The following PPFIA2 variants were observed in gnomAD, a reference collection of about 807,000 sequenced individuals.
The protein encoded by PPFIA2 is PPFI scaffold protein A2, also known as liprin-alpha-2.
Under a neutral mutation model 175.5 loss-of-function variants are expected in PPFIA2, and 46 were observed. The observed-to-expected ratio is 0.26, with a 90% confidence interval of 0.21 to 0.34. PPFIA2 has a LOEUF of 0.34. Ranked by LOEUF, PPFIA2 falls within the 10% of genes least tolerant of loss-of-function variation. The pLI, the probability that PPFIA2 is intolerant of heterozygous loss-of-function variation, is 1.00. For missense variants in PPFIA2, 1,179 were observed against 1,506.1 expected, an observed-to-expected ratio of 0.78 and a Z score of 3.60; for synonymous variants, 568 against 511.4, an observed-to-expected ratio of 1.11 and a Z score of -1.49.
At chr12:81,367,606 C>G (rs557933898) in intron 13 of PPFIA2, among the ~76,000 whole-genome samples, 1 of 151,486 alleles carries the variant, frequency 6.6e-6, no homozygotes, top group Non-Finnish European at 1.5e-5. Context: ...TAAAATTTCA[C>G]TTTCTGGACA....
At position 81,419,702 on chromosome 12, in the gene PPFIA2, G is replaced by A. The variant is rs148190090; in HGVS notation, c.646-13799C>T. Among the ~76,000 whole-genome samples the A allele has an allele frequency of 5.3e-5, 8 of 152,044 alleles. No individual in the cohort carries two copies. In the East Asian group the frequency reaches 1.6e-3, roughly 29 times the overall value. The stretch of plus-strand genomic sequence containing the variant: ...TTAACTCATTTTTCACCTTATTTAT[G>A]TTGGATATTCAAGTTTGAGAAGGAA... On this transcript the variant is annotated intron_variant, in intron 7 of 32. Coordinates refer to ENST00000549396, the MANE Select transcript of PPFIA2 (RefSeq NM_003625.5).
At chr12:81,370,773 A>C (rs1265063698) in intron 11 of PPFIA2, among the ~76,000 whole-genome samples, 1 of 151,898 alleles carries the variant, frequency 6.6e-6, no homozygotes, top group East Asian at 1.9e-4. Context: ...TTATGCAAGG[A>C]TTACATATGA....
At chr12:81,480,960 G>A (rs1042589077) in intron 4 of PPFIA2, among the ~76,000 whole-genome samples, 1 of 152,192 alleles carries the variant, frequency 6.6e-6, no homozygotes. Flanking sequence ...GTCTCTGTTT[G>A]CAGATGACAT....
At chr12:81,527,382 G>A (rs1403056) in intron 4 of PPFIA2, among the ~76,000 whole-genome samples, 84,558 of 151,748 alleles carry the variant, frequency 0.56, 24,133 homozygotes, top group African/African-American at 0.67. Flanking sequence ...TTATGCTTCT[G>A]TTTAGAGTAA....
intron 4 of PPFIA2, among the ~76,000 whole-genome samples, chr12:81,624,955 T>C (rs562346785): frequency 6.6e-6 from 1 of 151,500 alleles, no homozygotes; most frequent in South Asian, 2.1e-4. Context: ...AAAAATCCAC[T>C]TGCACCCCAA....
chr12:81,574,896 T>TTTGA (rs921880263), intron 4 of PPFIA2, among the ~76,000 whole-genome samples: 1 of 151,774 alleles, frequency 6.6e-6, no homozygotes, highest in African/African-American at 2.4e-5. Flanking sequence ...CCAAAAAGAC[T>TTTGA]TTGATTTTTC....
intron 4 of PPFIA2, among the ~76,000 whole-genome samples, chr12:81,574,294 T>G (rs2073104110): frequency 6.6e-6 from 1 of 151,834 alleles, no homozygotes. Context: ...AAGATTCTAT[T>G]TAATAGCAAA....
intron 22 of PPFIA2, 138 bp downstream of exon 22, chr12:81,325,639 A>C: frequency 1.7e-6 from 1 of 585,862 alleles, no homozygotes. Flanking sequence ...ATAAGCCCTG[A>C]GTGTTTTAGG....
chr12:81,664,687 G>C (rs1468176436), intron 4 of PPFIA2, among the ~76,000 whole-genome samples: 1 of 152,036 alleles, frequency 6.6e-6, no homozygotes, highest in African/African-American at 2.4e-5. Context: ...CCATTACTGG[G>C]TACATACCCA....
At chr12:81,686,412 TAGGGCTTTCTGAAGAA>T (rs2074426688) in intron 3 of PPFIA2, among the ~76,000 whole-genome samples, 1 of 152,102 alleles carries the variant, frequency 6.6e-6, no homozygotes, top group Non-Finnish European at 1.5e-5. Flanking sequence ...TGCATAAGAA[TAGGGCTTTCTGAAGAA>T]AGTGCCAGAG....
intron 3 of PPFIA2, among the ~76,000 whole-genome samples, chr12:81,744,528 T>C (rs1368734329): frequency 6.6e-6 from 1 of 151,830 alleles, no homozygotes; most frequent in African/African-American, 2.4e-5. Flanking sequence ...GTTCAAGCGA[T>C]TCTCCTGCTT....
chr12:81,727,406 G>A (rs1181393431), intron 3 of PPFIA2, among the ~76,000 whole-genome samples: 4 of 151,270 alleles, frequency 2.6e-5, no homozygotes, highest in African/African-American at 7.3e-5. Context: ...ATCAAAAGAA[G>A]AAAACTTAGA....
chr12:81,694,800 T>G (rs1220460673), intron 3 of PPFIA2, among the ~76,000 whole-genome samples: 1 of 152,164 alleles, frequency 6.6e-6, no homozygotes, highest in Non-Finnish European at 1.5e-5. Flanking sequence ...CAACAACCTG[T>G]GAGAGCAGCC....
intron 7 of PPFIA2, among the ~76,000 whole-genome samples, chr12:81,425,644 GA>G (rs988171355): frequency 7.9e-5 from 12 of 152,158 alleles, no homozygotes; most frequent in African/African-American, 2.9e-4. Flanking sequence ...AAAGTGCTGG[GA>G]TTACGGGCGT....
intron 8 of PPFIA2, among the ~76,000 whole-genome samples, chr12:81,399,935 A>C (rs577496229): frequency 6.6e-6 from 1 of 152,296 alleles, no homozygotes; most frequent in East Asian, 1.9e-4. Flanking sequence ...ACAGTTGACA[A>C]GACTGAATCT....
chr12:81,464,619 T>G lies in PPFIA2; in HGVS notation c.304-6753A>C, dbSNP rs139839191. Reference sequence around the variant, plus strand: ...TCTCTTGTTTTGATCTCTGCATATGTTATTTCCAAAGTGAAAAATACAGGG... The same window carrying G: ...TCTCTTGTTTTGATCTCTGCATATGGTATTTCCAAAGTGAAAAATACAGGG... On this transcript the variant is annotated intron_variant, in intron 4 of 32. Transcript: ENST00000549396. 3.6e-4 allele frequency among the ~76,000 whole-genome samples: 55 copies of G among 152,292 alleles called. No individual in the cohort carries two copies. In the East Asian group the frequency reaches 4.0e-3, roughly 11 times the overall value.
rs1488105159 is a variant in PPFIA2, at chr12:81,748,907, G to A, written c.249+5066C>T. ...TTATTTTGCACCACACATAATAACA[G>A]CCTACGCTTCACAGCCACTATATAG... On this transcript the variant is annotated intron_variant, in intron 3 of 32. Transcript: ENST00000549396. Among the ~76,000 whole-genome samples the A allele has an allele frequency of 2.1e-5, 3 of 144,388 alleles. 1 individual carries two copies. The Admixed American group carries it at 2.2e-4, about 11-fold the overall frequency. The allele number at this position is 144,388 out of a possible 152,430, so 94.7% of individuals were successfully genotyped here.
At chr12:81,322,640 A>C (rs1252031449) in intron 22 of PPFIA2, among the ~76,000 whole-genome samples, 2 of 152,182 alleles carry the variant, frequency 1.3e-5, no homozygotes, top group Non-Finnish European at 2.9e-5. Flanking sequence ...AATTTATGGA[A>C]TTGATGCTTT....
chr12:81,296,125 G>A (rs989623084), intron 23 of PPFIA2, among the ~76,000 whole-genome samples: 1 of 152,078 alleles, frequency 6.6e-6, no homozygotes, highest in Non-Finnish European at 1.5e-5. Context: ...GGGCAACATG[G>A]TGAAACTCTG....
Sources: allele counts gnomAD v4.1 joint callset (sites outside exome capture counted in the v4.1 genomes callset), GRCh38; gene constraint gnomAD v4.1.1; transcripts MANE v1.5; gene names NCBI Gene and HGNC (gene_info 2026-07-23, HGNC 2026-07-21).